The following SCGB2B2 variants were observed in gnomAD, a reference collection of about 807,000 sequenced individuals.
SCGB2B2 encodes secretoglobin family 2B member 2.
In SCGB2B2, 11 loss-of-function variants were observed where a neutral mutation model predicts 7.6. That is an observed-to-expected ratio of 1.45 (90% CI 0.91 to 2.40). The LOEUF (loss-of-function observed/expected upper bound fraction) is 2.40, where lower values mean the gene tolerates loss of function less well. SCGB2B2 is among the 30% of genes most tolerant of loss of function. SCGB2B2 has a pLI of 0.00. For synonymous variants in SCGB2B2, 50 were observed against 48.6 expected, an observed-to-expected ratio of 1.03 and a Z score of -0.12; for missense variants, 104 against 115.4, an observed-to-expected ratio of 0.90 and a Z score of 0.45.
Position 34,590,868 on chromosome 19 carries a change from A to G in SCGB2B2, c.*2687T>C, listed in dbSNP as rs1433001814. Reference sequence around the variant, plus strand: ...ACATTTTCCTTATTCTTTCAAACACATGTGAAATGCTTTTGCATCTCAAAG... The same window carrying G: ...ACATTTTCCTTATTCTTTCAAACACGTGTGAAATGCTTTTGCATCTCAAAG... On this transcript the variant is annotated 3_prime_UTR_variant, in exon 4 of 4. Transcript: ENST00000601241. Among the ~76,000 whole-genome samples the G allele has an allele frequency of 6.6e-6, 1 of 152,188 alleles. No individual in the cohort carries two copies. Among genetic ancestry groups the G allele is most frequent in the African/African-American group, 2.4e-5 (1 of 41,450 alleles).
At chr19:34,670,110 T>C (rs2067763685) in intron 1 of SCGB2B2, among the ~76,000 whole-genome samples, 1 of 152,050 alleles carries the variant, frequency 6.6e-6, no homozygotes, top group African/African-American at 2.4e-5. Context: ...AAAGAGGTAA[T>C]CGGGGCTATA....
intron 1 of SCGB2B2, among the ~76,000 whole-genome samples, chr19:34,612,631 G>T (rs2065964943): frequency 6.6e-6 from 1 of 152,074 alleles, no homozygotes; most frequent in Admixed American, 6.6e-5. Context: ...ATATTTTACA[G>T]TTGTTGGATG....
At chr19:34,607,078 T>TTCTAC (rs1042538915) in intron 1 of SCGB2B2, among the ~76,000 whole-genome samples, 23 of 152,324 alleles carry the variant, frequency 1.5e-4, no homozygotes, top group Admixed American at 7.8e-4. Context: ...GCAACCACCA[T>TTCTAC]TCTACTCTCT....
At position 34,676,428 on chromosome 19, in the gene SCGB2B2, G is replaced by C. The variant is rs1208325966; in HGVS notation, c.-2830C>G. 1 of 152,194 alleles carries C rather than the reference G, an allele frequency of 6.6e-6. No homozygotes were observed. The highest frequency in any genetic ancestry group is 1.5e-5 in the Non-Finnish European group (1 of 68,034). The allele number at this position is 152,194 out of a possible 1,614,324, so 9.4% of individuals were successfully genotyped here. On this transcript the variant is annotated 5_prime_UTR_variant, in exon 1 of 4. Transcript: ENST00000601241. ...AAAAAGCTGGGAAGCCCTCAGCTCC[G>C]AGAAATTGAAATTGCCCACCTCTTT...
At chr19:34,596,895 A>C (rs897520259) in intron 1 of SCGB2B2, among the ~76,000 whole-genome samples, 1 of 151,796 alleles carries the variant, frequency 6.6e-6, no homozygotes, top group African/African-American at 2.4e-5. Flanking sequence ...ACCCCAGAGC[A>C]CTGTGTCCCG....
chr19:34,666,555 C>T (rs2067628891), intron 1 of SCGB2B2, among the ~76,000 whole-genome samples: 1 of 152,138 alleles, frequency 6.6e-6, no homozygotes, highest in African/African-American at 2.4e-5. Flanking sequence ...CCTGCTGCGC[C>T]CACTGGGCCA....
chr19:34,613,843 T>G (rs1340642490), intron 1 of SCGB2B2, among the ~76,000 whole-genome samples: 1 of 152,226 alleles, frequency 6.6e-6, no homozygotes. Flanking sequence ...GAGTTTCTTT[T>G]GTGGAAAAAA....
intron 1 of SCGB2B2, among the ~76,000 whole-genome samples, chr19:34,625,709 CA>C (rs2066354831): frequency 6.6e-6 from 1 of 152,228 alleles, no homozygotes; most frequent in African/African-American, 2.4e-5. Flanking sequence ...CATATCCAAA[CA>C]AAAGGCAGCA....
At chr19:34,628,801 A>C (rs1318142258) in intron 1 of SCGB2B2, among the ~76,000 whole-genome samples, 1 of 151,984 alleles carries the variant, frequency 6.6e-6, no homozygotes, top group Admixed American at 6.6e-5. Flanking sequence ...AAAGGCTGGC[A>C]GAGACACAAC....
At chr19:34,639,305 CT>C (rs2066775998) in intron 1 of SCGB2B2, among the ~76,000 whole-genome samples, 1 of 152,212 alleles carries the variant, frequency 6.6e-6, no homozygotes, top group Non-Finnish European at 1.5e-5. Context: ...AGAAAGCTAT[CT>C]TGATATTCTA....
chr19:34,594,570 G>A lies in SCGB2B2; in HGVS notation c.-7C>T, dbSNP rs201549212. 53 of 1,612,276 alleles carry A rather than the reference G, an allele frequency of 3.3e-5. No homozygotes were observed. The highest frequency in any genetic ancestry group is 5.3e-5 in the African/African-American group (4 of 74,984). The stretch of plus-strand genomic sequence containing the variant: ...TGGCGGATGTCACCCTCATGACAGC[G>A]GAGTCTGGTCCCAGCAGGCACAGGC... On this transcript the variant is annotated 5_prime_UTR_variant, in exon 2 of 4. Coordinates refer to ENST00000601241, the MANE Select transcript of SCGB2B2 (RefSeq NM_001025591.4).
At chr19:34,602,961 G>A (rs1292053323) in intron 1 of SCGB2B2, among the ~76,000 whole-genome samples, 1 of 152,144 alleles carries the variant, frequency 6.6e-6, no homozygotes, top group Non-Finnish European at 1.5e-5. Context: ...ATTTGTGTAA[G>A]GTTAGAGTGG....
chr19:34,647,970 T>C (rs1462350881), intron 1 of SCGB2B2, among the ~76,000 whole-genome samples: 1 of 152,010 alleles, frequency 6.6e-6, no homozygotes, highest in Non-Finnish European at 1.5e-5. Flanking sequence ...GGGTTTAGTG[T>C]GTCGGAGAAA....
chr19:34,612,434 C>T (rs181036739), intron 1 of SCGB2B2, among the ~76,000 whole-genome samples: 1 of 152,286 alleles, frequency 6.6e-6, no homozygotes, highest in Admixed American at 6.5e-5. Context: ...ATGTAATAAT[C>T]ACATTAGGGT....
At chr19:34,597,386 G>A (rs2065489155) in intron 1 of SCGB2B2, among the ~76,000 whole-genome samples, 1 of 152,104 alleles carries the variant, frequency 6.6e-6, no homozygotes, top group African/African-American at 2.4e-5. Context: ...GGGGACATTG[G>A]GGGTGGTGGT....
intron 1 of SCGB2B2, among the ~76,000 whole-genome samples, chr19:34,625,427 TG>T (rs1273422396): frequency 6.6e-6 from 1 of 152,240 alleles, no homozygotes; most frequent in Non-Finnish European, 1.5e-5. Flanking sequence ...ACCCTAATAC[TG>T]CACTTTTCCA....
At chr19:34,605,731 GCATGCACCA>G (rs1400165077) in intron 1 of SCGB2B2, among the ~76,000 whole-genome samples, 2 of 152,034 alleles carry the variant, frequency 1.3e-5, no homozygotes, top group African/African-American at 2.4e-5. Flanking sequence ...GGGAATACAG[GCATGCACCA>G]CCATGTCTGG....
At chr19:34,625,819 T>G (rs2066358546) in intron 1 of SCGB2B2, among the ~76,000 whole-genome samples, 2 of 152,164 alleles carry the variant, frequency 1.3e-5, no homozygotes, top group Non-Finnish European at 2.9e-5. Context: ...ACAGACTGCC[T>G]CCTCAAGTGG....
chr19:34,630,742 G>A (rs901158012), intron 1 of SCGB2B2, among the ~76,000 whole-genome samples: 16 of 152,150 alleles, frequency 1.1e-4, no homozygotes, highest in African/African-American at 3.9e-4. Flanking sequence ...ATTACCATTT[G>A]ACCCAGCCAT....
Sources: allele counts gnomAD v4.1 joint callset (sites outside exome capture counted in the v4.1 genomes callset), GRCh38; gene constraint gnomAD v4.1.1; transcripts MANE v1.5; gene names NCBI Gene and HGNC (gene_info 2026-07-23, HGNC 2026-07-21).